GPHN: variants seen among roughly 807,000 people sequenced by gnomAD.
GPHN encodes the protein gephyrin.
In GPHN, 17 loss-of-function variants were observed where a neutral mutation model predicts 95.5. That is an observed-to-expected ratio of 0.18 (90% confidence interval 0.12 to 0.27). The LOEUF is 0.27. Among genes scored for constraint, GPHN ranks in the 10% least tolerant of loss-of-function variants. GPHN has a pLI of 1.00. For synonymous variants in GPHN, 320 were observed against 322.5 expected (o/e 0.99, Z 0.08); for missense variants, 660 against 978.1 (o/e 0.67, Z 4.34).
At chr14:66,950,612 T>C (rs2068045291) in intron 8 of GPHN, among the ~76,000 whole-genome samples, 1 of 152,202 alleles carries the variant, frequency 6.6e-6, no homozygotes, top group Admixed American at 6.5e-5. Flanking sequence ...ACTGTATTCA[T>C]TCCTTGTTTC....
chr14:66,742,491 A>T (rs2072876403), intron 2 of GPHN, among the ~76,000 whole-genome samples: 1 of 152,078 alleles, frequency 6.6e-6, no homozygotes, highest in African/African-American at 2.4e-5. Context: ...AGCTCTTGTT[A>T]TAGAAATTTA....
At chr14:66,622,709 G>C (rs2063359187) in intron 1 of GPHN, among the ~76,000 whole-genome samples, 1 of 152,178 alleles carries the variant, frequency 6.6e-6, no homozygotes, top group South Asian at 2.1e-4. Context: ...AAAGCTGCCA[G>C]TCTCTTTGCC....
rs1342895344 is a variant in GPHN at position 66,689,819 on chromosome 14, A to G, written c.143+8634A>G. Among the ~76,000 whole-genome samples, 2 of 151,924 alleles carry G rather than the reference A, an allele frequency of 1.3e-5. 1 individual carries two copies. The highest frequency in any genetic ancestry group is 3.9e-4 in the East Asian group (2 of 5,188). On this transcript the variant is annotated intron_variant, in intron 2 of 22. Coordinates refer to ENST00000478722, the MANE Select transcript of GPHN (RefSeq NM_020806.5). ...TAGGTTTTCTAATTTGTTGGCGTAT[A>G]GTTGTTCATAATAGTCTTTAATGAT...
the GPHN span, among the ~76,000 whole-genome samples, chr14:67,619,478 C>T: frequency 0.011 from 1,663 of 152,298 alleles, 63 homozygotes; most frequent in East Asian, 0.088. Flanking sequence ...TGAGATAGAA[C>T]GAAGCAGGTG....
chr14:67,713,652 C>T, the GPHN span, among the ~76,000 whole-genome samples: 1 of 152,164 alleles, frequency 6.6e-6, no homozygotes, highest in Non-Finnish European at 1.5e-5. Context: ...AAATTTGAGA[C>T]AGGTCTCAGT....
the GPHN span, among the ~76,000 whole-genome samples, chr14:67,550,444 C>T: frequency 6.6e-6 from 1 of 152,368 alleles, no homozygotes; most frequent in Admixed American, 6.5e-5. Context: ...CCGCCTCGGC[C>T]TCCCAAAGTG....
At chr14:67,616,141 C>T in the GPHN span, 1 of 257,124 alleles carries the variant, frequency 3.9e-6, no homozygotes, top group Non-Finnish European at 8.0e-6. Flanking sequence ...CATTTAACCC[C>T]CCTGTACACA....
the GPHN span, among the ~76,000 whole-genome samples, chr14:67,427,926 T>C: frequency 7.9e-4 from 39 of 49,216 alleles, no homozygotes; most frequent in African/African-American, 9.6e-3. Context: ...GACAATGCCC[T>C]TTTTTTTTTT....
chr14:67,303,248 C>T, the GPHN span, among the ~76,000 whole-genome samples: 5 of 152,154 alleles, frequency 3.3e-5, no homozygotes, highest in South Asian at 2.1e-4. Flanking sequence ...TTTGTACACA[C>T]GCACAGACTA....
intron 3 of GPHN, among the ~76,000 whole-genome samples, chr14:66,818,002 ATATGTGTAATTATTAAG>A (rs1328351492): frequency 6.6e-6 from 1 of 152,184 alleles, no homozygotes; most frequent in African/African-American, 2.4e-5. Context: ...CCACAGTAGT[ATATGTGTAATTATTAAG>A]TATAAAATTT....
intron 17 of GPHN, among the ~76,000 whole-genome samples, chr14:67,128,461 A>G (rs1380353842): frequency 2.0e-5 from 3 of 152,188 alleles, no homozygotes; most frequent in Non-Finnish European, 4.4e-5. Flanking sequence ...TTTATTTGAA[A>G]AAAGCAAGTT....
the GPHN span, chr14:67,280,117 T>A: frequency 6.6e-6 from 1 of 152,264 alleles, no homozygotes; most frequent in Admixed American, 6.5e-5. Flanking sequence ...CCAAATGGAT[T>A]TTGAGAACTC....
the GPHN span, among the ~76,000 whole-genome samples, chr14:67,503,104 G>A: frequency 2.0e-5 from 3 of 152,158 alleles, no homozygotes; most frequent in South Asian, 6.2e-4. Context: ...GCTGCACGGA[G>A]AGATCAGGAT....
chr14:67,609,093 T>C, the GPHN span, among the ~76,000 whole-genome samples: 555 of 152,064 alleles, frequency 3.6e-3, 4 homozygotes, highest in African/African-American at 0.013. Flanking sequence ...AACCAGCTAT[T>C]AATTGGCATT....
chr14:67,678,871 C>T, the GPHN span, among the ~76,000 whole-genome samples: 2 of 151,928 alleles, frequency 1.3e-5, no homozygotes, highest in Non-Finnish European at 2.9e-5. Flanking sequence ...TTTCTGGACT[C>T]CTTGAAGTTA....
chr14:66,761,369 A>C (rs961133790), intron 2 of GPHN, among the ~76,000 whole-genome samples: 3 of 152,256 alleles, frequency 2.0e-5, no homozygotes, highest in Admixed American at 6.5e-5. Flanking sequence ...TATTATTTAC[A>C]GTAAAATATT....
chr14:66,511,557 CGTT>C (rs999512260), intron 1 of GPHN, among the ~76,000 whole-genome samples: 4 of 151,978 alleles, frequency 2.6e-5, no homozygotes, highest in African/African-American at 9.7e-5. Flanking sequence ...TTTTAATTGA[CGTT>C]GTGACATTTT....
the GPHN span, among the ~76,000 whole-genome samples, chr14:67,594,441 G>A: frequency 6.6e-6 from 1 of 152,098 alleles, no homozygotes; most frequent in African/African-American, 2.4e-5. Flanking sequence ...AAGGTCAAGA[G>A]ATCGAGACCA....
chr14:67,346,185 C>T, the GPHN span, among the ~76,000 whole-genome samples: 2 of 152,222 alleles, frequency 1.3e-5, no homozygotes, highest in South Asian at 4.1e-4. Context: ...TACGATGACA[C>T]TCTGTGAACA....
Sources: allele counts gnomAD v4.1 joint callset (sites outside exome capture counted in the v4.1 genomes callset), GRCh38; gene constraint gnomAD v4.1.1; transcripts MANE v1.5; gene names NCBI Gene and HGNC (gene_info 2026-07-23, HGNC 2026-07-21).